The following GNA12 variants were observed in gnomAD, a reference collection of about 807,000 sequenced individuals.
GNA12 encodes the protein guanine nucleotide-binding protein subunit alpha-12.
A neutral mutation model predicts 26.0 loss-of-function variants in GNA12; 9 were observed. The ratio of observed to expected loss-of-function variants is 0.35; its 90% CI spans 0.21 to 0.60. The LOEUF is 0.60. Ranked by LOEUF, GNA12 falls within the 20% of genes least tolerant of loss-of-function variation. The pLI is 0.78. For missense variants in GNA12, 405 were observed against 525.8 expected, an observed-to-expected ratio of 0.77 and a Z score of 2.25; for synonymous variants, 264 against 219.6, an observed-to-expected ratio of 1.20 and a Z score of -1.79.
intron 2 of GNA12, among the ~76,000 whole-genome samples, chr7:2,792,501 A>G (rs749491570): frequency 2.0e-5 from 3 of 152,272 alleles, no homozygotes; most frequent in Non-Finnish European, 4.4e-5. Context: ...AGCCTCACTC[A>G]GTACGATCAG....
intron 2 of GNA12, among the ~76,000 whole-genome samples, chr7:2,761,815 G>A (rs979741683): frequency 1.3e-5 from 2 of 152,218 alleles, no homozygotes; most frequent in Non-Finnish European, 2.9e-5. Context: ...AACTAATGCT[G>A]CTTTCATACC....
intron 2 of GNA12, among the ~76,000 whole-genome samples, chr7:2,790,869 T>C (rs550100085): frequency 6.6e-6 from 1 of 151,746 alleles, no homozygotes. Flanking sequence ...AACTACTCAG[T>C]AGGCTGAGGT....
At chr7:2,840,763 T>C (rs1455276466) in intron 1 of GNA12, among the ~76,000 whole-genome samples, 2 of 152,116 alleles carry the variant, frequency 1.3e-5, no homozygotes, top group African/African-American at 4.8e-5. Context: ...GGTGGGAGGA[T>C]TGCTTGAGCC....
chr7:2,792,658 C>T (rs1175090398), intron 2 of GNA12, among the ~76,000 whole-genome samples: 1 of 152,226 alleles, frequency 6.6e-6, no homozygotes, highest in African/African-American at 2.4e-5. Flanking sequence ...ACATGTATTT[C>T]CCAATTGTTT....
chr7:2,843,891 G>C lies in GNA12; in HGVS notation c.271C>G (p.Leu91Val), dbSNP rs755021382. The change falls in exon 1 of 4, where the codon CTG becomes GTG. Residue 91 changes from leucine (L) to valine (V), a missense_variant. Transcript: ENST00000275364. Reference protein sequence around the residue: ...HGREFDQKALLEFRDTIFDNI... With the variant: ...HGREFDQKALVEFRDTIFDNI... Reference sequence around the variant, plus strand: ...TCGAAGATGGTGTCGCGGAACTCCAGCAGCGCCTTCTGGTCGAACTCGCGG... The same window carrying C: ...TCGAAGATGGTGTCGCGGAACTCCACCAGCGCCTTCTGGTCGAACTCGCGG... 3 of 1,571,188 alleles carry C rather than the reference G, an allele frequency of 1.9e-6. No homozygotes were observed. Among genetic ancestry groups the C allele is most frequent in the Non-Finnish European group, 2.6e-6 (3 of 1,160,082 alleles).
At chr7:2,753,444 G>A (rs578029046) in intron 2 of GNA12, among the ~76,000 whole-genome samples, 16 of 152,262 alleles carry the variant, frequency 1.1e-4, no homozygotes, top group African/African-American at 3.9e-4. Context: ...GGCAGCATGT[G>A]GCCTTTGGAA....
intron 1 of GNA12, among the ~76,000 whole-genome samples, chr7:2,842,090 A>T (rs60457412): frequency 1.5e-5 from 2 of 132,852 alleles, no homozygotes; most frequent in African/African-American, 5.5e-5. Context: ...GGCGGGAAGG[A>T]AAGGAAGGAA....
At chr7:2,798,602 T>C (rs184777083) in intron 1 of GNA12, among the ~76,000 whole-genome samples, 17 of 152,234 alleles carry the variant, frequency 1.1e-4, no homozygotes, top group African/African-American at 3.6e-4. Flanking sequence ...AATAAACAGG[T>C]TTAGCACAAT....
intron 2 of GNA12, among the ~76,000 whole-genome samples, chr7:2,788,344 AGGAGACTTCTGAGGATGT>A (rs558145295): frequency 9.2e-5 from 14 of 152,302 alleles, no homozygotes; most frequent in African/African-American, 3.1e-4. Context: ...GTTCCCGTTC[AGGAGACTTCTGAGGATGT>A]GTTGGACGGC....
chr7:2,790,097 G>A (rs1460284574), intron 2 of GNA12, among the ~76,000 whole-genome samples: 1 of 152,198 alleles, frequency 6.6e-6, no homozygotes, highest in Non-Finnish European at 1.5e-5. Flanking sequence ...GTCCCTGCCT[G>A]TGTCTGCTCC....
intron 2 of GNA12, among the ~76,000 whole-genome samples, chr7:2,750,538 T>C (rs1790983463): frequency 6.6e-6 from 1 of 152,096 alleles, no homozygotes; most frequent in African/African-American, 2.4e-5. Context: ...TTAGGCAGAG[T>C]AAGGTTAACA....
At chr7:2,793,849 T>A (rs540258718) in intron 2 of GNA12, among the ~76,000 whole-genome samples, 2 of 130,222 alleles carry the variant, frequency 1.5e-5, no homozygotes, top group African/African-American at 6.1e-5. Flanking sequence ...GCCACTGCAC[T>A]CCAGGCTGGG....
chr7:2,816,510 C>T (rs1209439203), intron 1 of GNA12, among the ~76,000 whole-genome samples: 4 of 152,198 alleles, frequency 2.6e-5, no homozygotes, highest in East Asian at 3.9e-4. Context: ...GGATTACAGG[C>T]GTGAGCCACT....
chr7:2,843,687 G>A lies in GNA12; in HGVS notation c.309+166C>T, dbSNP rs371423020. On this transcript the variant is annotated intron_variant, in intron 1 of 3. Transcript: ENST00000275364. ...GGGTGGGGCAGAGACGACGCCAGCA[G>A]GCCTCGGGGAATGGGTCGGGGGGGA... 2.9e-3 allele frequency among the ~76,000 whole-genome samples: 432 copies of A among 150,524 alleles called. 1 individual carries two copies. The highest frequency in any genetic ancestry group is 5.0e-3 in the South Asian group (24 of 4,784).
chr7:2,762,897 C>A, intron 2 of GNA12: 1 of 1,424,040 alleles, frequency 7.0e-7, no homozygotes, highest in African/African-American at 1.4e-5. Flanking sequence ...ATTGGTGCTG[C>A]GGCGGGGAGA....
intron 2 of GNA12, among the ~76,000 whole-genome samples, chr7:2,793,539 C>G (rs1266159712): frequency 6.6e-6 from 1 of 151,950 alleles, no homozygotes; most frequent in African/African-American, 2.4e-5. Context: ...TAGCACCTCT[C>G]AGATGATTGA....
At chr7:2,759,372 C>A (rs796250812) in intron 2 of GNA12, among the ~76,000 whole-genome samples, 6 of 152,118 alleles carry the variant, frequency 3.9e-5, no homozygotes, top group Non-Finnish European at 8.8e-5. Flanking sequence ...CTAAGGGCCT[C>A]CCCCATATCA....
intron 1 of GNA12, among the ~76,000 whole-genome samples, chr7:2,825,196 C>G (rs1002228183): frequency 6.6e-6 from 1 of 152,158 alleles, no homozygotes; most frequent in East Asian, 1.9e-4. Context: ...GGGGGAAGCC[C>G]GAGAAACAAG....
chr7:2,807,664 G>T (rs1246577108), intron 1 of GNA12, among the ~76,000 whole-genome samples: 1 of 151,778 alleles, frequency 6.6e-6, no homozygotes, highest in Admixed American at 6.6e-5. Context: ...CTATCTGGAG[G>T]AAAGTTCAAA....
Sources: gnomAD v4.1 joint callset for allele counts (sites outside exome capture counted in the v4.1 genomes callset) on GRCh38, gnomAD v4.1.1 for gene constraint, MANE v1.5 for transcripts, NCBI Gene and HGNC (gene_info 2026-07-23, HGNC 2026-07-21) for gene names.